AGT: variants seen among roughly 807,000 people sequenced by gnomAD.
The protein encoded by AGT is angiotensinogen, also known as alpha-1 antiproteinase, antitrypsin.
AGT carries 26 observed loss-of-function variants against 28.1 expected under a neutral mutation model. The ratio of observed to expected loss-of-function variants is 0.92; its 90% CI spans 0.68 to 1.28. The LOEUF (loss-of-function observed/expected upper bound fraction) is 1.28. Among genes scored for constraint, AGT ranks in the 50% most tolerant of loss-of-function variants. The pLI, the probability that AGT is intolerant of heterozygous loss-of-function variation, is 0.00. For synonymous variants in AGT, 259 were observed against 259.6 expected, an observed-to-expected ratio of 1.00 and a Z score of 0.02; for missense variants, 596 against 592.3, an observed-to-expected ratio of 1.01 and a Z score of -0.06.
chr1:230,713,360 C>T (rs952744153), intron 1 of AGT, among the ~76,000 whole-genome samples: 9 of 152,144 alleles, frequency 5.9e-5, no homozygotes, highest in South Asian at 2.1e-4. Context: ...ACTTGTTCAA[C>T]GTCACACAGC....
intron 1 of AGT, among the ~76,000 whole-genome samples, chr1:230,742,709 C>A (rs116186135): frequency 6.6e-6 from 1 of 152,148 alleles, no homozygotes; most frequent in Non-Finnish European, 1.5e-5. Flanking sequence ...GTACACTGTT[C>A]CACTTCATGA....
intron 1 of AGT, among the ~76,000 whole-genome samples, chr1:230,740,307 T>TACTGC (rs1664224509): frequency 6.6e-6 from 1 of 152,184 alleles, no homozygotes; most frequent in Non-Finnish European, 1.5e-5. Flanking sequence ...TTGTTTTATT[T>TACTGC]ATCAGTGGGT....
At chr1:230,736,985 A>G (rs1327428568) in intron 1 of AGT, among the ~76,000 whole-genome samples, 1 of 152,146 alleles carries the variant, frequency 6.6e-6, no homozygotes, top group Non-Finnish European at 1.5e-5. Flanking sequence ...CACTAAGCCA[A>G]CCACCCTGGA....
chr1:230,704,181 G>T lies in AGT; in HGVS notation c.1242+12C>A, dbSNP rs745486202. The T allele has an allele frequency of 6.2e-7, 1 of 1,614,218 alleles. No homozygotes were observed. Among genetic ancestry groups the T allele is most frequent in the Middle Eastern group, 1.6e-4 (1 of 6,062 alleles). ...GAACCCAGGTCAGGCACAGACACAGGCTCACACATACCTCCCCCACCCTGA... is the reference window on the plus strand; with the variant it reads ...GAACCCAGGTCAGGCACAGACACAGTCTCACACATACCTCCCCCACCCTGA... On this transcript the variant is annotated intron_variant, in intron 4 of 4. Transcript: ENST00000366667.
chr1:230,705,801 C>A, intron 3 of AGT, 132 bp downstream of exon 3: 2 of 1,182,342 alleles, frequency 1.7e-6, no homozygotes, highest in Non-Finnish European at 2.5e-6. Flanking sequence ...GCCTGCCCAG[C>A]CCCGTGCCAC....
chr1:230,719,407 T>TTTTTTTTGTTTGTTTTTTTTTG (rs776026911), upstream of AGT, among the ~76,000 whole-genome samples: 1 of 58,534 alleles, frequency 1.7e-5, no homozygotes, highest in Non-Finnish European at 2.8e-5. Context: ...TATCATTATG[T>TTTTTTTTGTTTGTTTTTTTTTG]TTTTTTTTTT....
At chr1:230,708,570 A>G (rs925908728) in intron 2 of AGT, among the ~76,000 whole-genome samples, 9 of 152,048 alleles carry the variant, frequency 5.9e-5, no homozygotes, top group Admixed American at 2.0e-4. Flanking sequence ...TTGTTGTGGT[A>G]AGAAAAATCA....
intron 1 of AGT, among the ~76,000 whole-genome samples, chr1:230,730,224 T>G (rs888013837): frequency 6.6e-6 from 1 of 151,592 alleles, no homozygotes; most frequent in African/African-American, 2.4e-5. Context: ...CCCGGCTATT[T>G]TTTTGTTTTG....
chr1:230,737,783 A>C (rs147617705), intron 1 of AGT, among the ~76,000 whole-genome samples: 172 of 152,288 alleles, frequency 1.1e-3, no homozygotes, highest in African/African-American at 3.9e-3. Flanking sequence ...TGTACAATTC[A>C]ATGATTTTTA....
intron 1 of AGT, among the ~76,000 whole-genome samples, chr1:230,740,899 AT>A (rs1664236613): frequency 6.6e-6 from 1 of 152,234 alleles, no homozygotes; most frequent in East Asian, 1.9e-4. Flanking sequence ...GTGAGCCAAG[AT>A]CGCACCACTG....
chr1:230,719,447 G>A (rs558931123), upstream of AGT, among the ~76,000 whole-genome samples: 723 of 114,502 alleles, frequency 6.3e-3, 4 homozygotes, highest in African/African-American at 0.021. Context: ...TCGCTCTGTC[G>A]CCCAGGCTGG....
At chr1:230,716,706 C>T (rs1044588272), upstream of AGT, among the ~76,000 whole-genome samples, 1 of 152,200 alleles carries the variant, frequency 6.6e-6, no homozygotes, top group African/African-American at 2.4e-5. Context: ...CACCTTCCAC[C>T]ATGATTGTGA....
intron 1 of AGT, among the ~76,000 whole-genome samples, chr1:230,720,534 C>T (rs1198291153): frequency 6.6e-6 from 1 of 152,166 alleles, no homozygotes; most frequent in Non-Finnish European, 1.5e-5. Flanking sequence ...AATCCCGCCT[C>T]CAAGCTGAAG....
intron 1 of AGT, among the ~76,000 whole-genome samples, chr1:230,728,861 G>A (rs1664001075): frequency 6.6e-6 from 1 of 152,166 alleles, no homozygotes; most frequent in Admixed American, 6.5e-5. Context: ...TGCAATCCCT[G>A]TCTCATGGGA....
chr1:230,731,026 A>T (rs1170209356), intron 1 of AGT, among the ~76,000 whole-genome samples: 4 of 152,196 alleles, frequency 2.6e-5, no homozygotes, highest in Non-Finnish European at 5.9e-5. Context: ...ATAGCCTATC[A>T]CTAATCAATG....
chr1:230,728,992 C>T (rs193294484), intron 1 of AGT, among the ~76,000 whole-genome samples: 1 of 152,264 alleles, frequency 6.6e-6, no homozygotes, highest in East Asian at 1.9e-4. Context: ...AAAAGCCTTC[C>T]GGAAATGTGG....
chr1:230,724,381 T>C (rs895028202), intron 1 of AGT, among the ~76,000 whole-genome samples: 6 of 152,260 alleles, frequency 3.9e-5, no homozygotes, highest in Non-Finnish European at 8.8e-5. Context: ...TGTATAATTT[T>C]ATTATTCCAT....
intron 1 of AGT, among the ~76,000 whole-genome samples, chr1:230,729,844 G>C (rs77810341): frequency 0.011 from 1,637 of 152,112 alleles, 14 homozygotes; most frequent in Non-Finnish European, 0.016. Context: ...TCTCTAACCT[G>C]TCTTCTCTAT....
chr1:230,719,469 G>A (rs1196559348), upstream of AGT, among the ~76,000 whole-genome samples: 208 of 147,392 alleles, frequency 1.4e-3, no homozygotes, highest in Non-Finnish European at 2.4e-3. Context: ...GTGCAGTGGC[G>A]GGATCTCGGC....
Sources: allele counts gnomAD v4.1 joint callset (sites outside exome capture counted in the v4.1 genomes callset), GRCh38; gene constraint gnomAD v4.1.1; transcripts MANE v1.5; gene names NCBI Gene and HGNC (gene_info 2026-07-23, HGNC 2026-07-21).